EPB41L2: variants seen among roughly 807,000 people sequenced by gnomAD.
The protein encoded by EPB41L2 is band 4.1-like protein 2.
EPB41L2 carries 43 observed loss-of-function variants against 113.0 expected under a neutral mutation model. That is an observed-to-expected ratio of 0.38 (90% CI 0.30 to 0.49). The LOEUF (loss-of-function observed/expected upper bound fraction) is 0.49. Among genes scored for constraint, EPB41L2 ranks in the 20% least tolerant of loss-of-function variants. The pLI is 0.95. For missense variants in EPB41L2, 1,147 were observed against 1,223.4 expected (o/e 0.94, Z 0.93); for synonymous variants, 442 against 436.7 (o/e 1.01, Z -0.15).
chr6:130,904,890 T>G (rs1797267704), intron 5 of EPB41L2, among the ~76,000 whole-genome samples: 1 of 150,298 alleles, frequency 6.7e-6, no homozygotes, highest in Non-Finnish European at 1.5e-5. Flanking sequence ...AACCACAGGA[T>G]CTCCTGTTGC....
At chr6:131,034,059 A>C (rs527633504) in intron 1 of EPB41L2, among the ~76,000 whole-genome samples, 1 of 152,360 alleles carries the variant, frequency 6.6e-6, no homozygotes, top group South Asian at 2.1e-4. Flanking sequence ...AAGCATAGAA[A>C]GAGCTTATGA....
At chr6:130,876,021 T>C (rs1170748408) in intron 14 of EPB41L2, among the ~76,000 whole-genome samples, 1 of 151,654 alleles carries the variant, frequency 6.6e-6, no homozygotes, top group East Asian at 1.9e-4. Context: ...AAAAGAAACT[T>C]TTCTAATTAA....
chr6:130,853,051 C>T (rs1220616000), intron 19 of EPB41L2, among the ~76,000 whole-genome samples: 2 of 152,212 alleles, frequency 1.3e-5, no homozygotes, highest in Non-Finnish European at 2.9e-5. Context: ...TCTGCTACCA[C>T]TGATTTATTG....
At chr6:130,926,562 C>A in intron 4 of EPB41L2, 43 bp downstream of exon 4, 1 of 1,379,872 alleles carries the variant, frequency 7.2e-7, no homozygotes, top group Non-Finnish European at 1.0e-6. Flanking sequence ...TAAAAAAATA[C>A]AATATGTTCT....
At chr6:130,893,385 G>GGAA (rs1793587810) in intron 10 of EPB41L2, among the ~76,000 whole-genome samples, 1 of 152,130 alleles carries the variant, frequency 6.6e-6, no homozygotes, top group Non-Finnish European at 1.5e-5. Context: ...AAGGCAAAAG[G>GGAA]GAAGAAGGGA....
In EPB41L2 at chr6:130,865,587, T is replaced by A. The variant is rs990214106; in HGVS notation, c.2778A>T (p.Gln926His). 9 of 1,614,196 alleles carry A rather than the reference T, an allele frequency of 5.6e-6. No individual in the cohort carries two copies. Among genetic ancestry groups the A allele is most frequent in the Non-Finnish European group, 7.6e-6 (9 of 1,180,020 alleles). Residue 926 changes from glutamine to histidine, a missense_variant, in exon 17 of 20, where the codon CAA becomes CAT. Coordinates refer to ENST00000337057, the MANE Select transcript of EPB41L2 (RefSeq NM_001431.4). ...TTGACACGGACTCAGATGTGATGGTTTGTGCGGTCAGTAACGTGCCCGAAT... is the reference window on the plus strand; with the variant it reads ...TTGACACGGACTCAGATGTGATGGTATGTGCGGTCAGTAACGTGCCCGAAT... ...GGDSGTLLTA[Q>H]TITSESVSTT...
At chr6:130,872,329 A>G in intron 14 of EPB41L2, 1 of 1,259,172 alleles carries the variant, frequency 7.9e-7, no homozygotes, top group Non-Finnish European at 1.0e-6. Context: ...AATCTCTCTC[A>G]TATGTGGCTT....
intron 4 of EPB41L2, among the ~76,000 whole-genome samples, chr6:130,917,734 G>C (rs1414649347): frequency 6.6e-6 from 1 of 152,140 alleles, no homozygotes; most frequent in African/African-American, 2.4e-5. Flanking sequence ...ATTTTAACAA[G>C]TGTTAGAATA....
intron 3 of EPB41L2, among the ~76,000 whole-genome samples, chr6:130,943,330 T>C (rs1401741435): frequency 6.6e-6 from 1 of 152,228 alleles, no homozygotes; most frequent in Non-Finnish European, 1.5e-5. Context: ...CAAAAATGTG[T>C]CCAAACTGAT....
intron 1 of EPB41L2, among the ~76,000 whole-genome samples, chr6:131,057,059 G>T (rs1050597939): frequency 6.6e-6 from 1 of 151,432 alleles, no homozygotes; most frequent in African/African-American, 2.4e-5. Context: ...GCAATAGGGT[G>T]AAAAAATTAA....
In EPB41L2 at chr6:130,991,843, A is replaced by G. The variant is rs866489641; in HGVS notation, c.-14-35344T>C. Among the ~76,000 whole-genome samples the G allele has an allele frequency of 3.9e-5, 6 of 152,290 alleles. 1 individual carries two copies. In the South Asian group the frequency reaches 1.2e-3, roughly 32 times the overall value. Reference sequence around the variant, plus strand: ...TCTTTGTAGAAGAAAAATATAAAAAAATATTTTTTCAAGCTTTTATTTTGA... The same window carrying G: ...TCTTTGTAGAAGAAAAATATAAAAAGATATTTTTTCAAGCTTTTATTTTGA... On this transcript the variant is annotated intron_variant, in intron 1 of 19. Coordinates refer to ENST00000337057, the MANE Select transcript of EPB41L2 (RefSeq NM_001431.4).
At chr6:130,979,364 AC>A (rs143754853) in intron 1 of EPB41L2, among the ~76,000 whole-genome samples, 6,952 of 151,912 alleles carry the variant, frequency 0.046, 241 homozygotes, top group East Asian at 0.12. Flanking sequence ...AAAAAGTGGC[AC>A]ACGCCTGTAA....
At chr6:131,007,133 C>A (rs1401985773) in intron 1 of EPB41L2, among the ~76,000 whole-genome samples, 16 of 152,178 alleles carry the variant, frequency 1.1e-4, no homozygotes, top group Admixed American at 9.8e-4. Context: ...TATGGTTTGG[C>A]TCTGTGTCCC....
chr6:130,894,539 ATTCTTCTC>A, intron 9 of EPB41L2, 98 bp from the exon 10 acceptor site: 1 of 1,069,360 alleles, frequency 9.4e-7, no homozygotes, highest in Admixed American at 1.9e-5. Context: ...AGAAGCAATT[ATTCTTCTC>A]AAAAAAGGTA....
chr6:131,005,200 CA>C (rs1785218180), intron 1 of EPB41L2, among the ~76,000 whole-genome samples: 1 of 149,522 alleles, frequency 6.7e-6, no homozygotes, highest in Admixed American at 6.6e-5. Flanking sequence ...TTTTAACCTT[CA>C]AAAACCTCTA....
intron 1 of EPB41L2, among the ~76,000 whole-genome samples, chr6:131,060,140 C>T (rs1006553748): frequency 6.6e-5 from 10 of 152,204 alleles, no homozygotes; most frequent in African/African-American, 2.2e-4. Flanking sequence ...GGATTACAGG[C>T]GTGCGCCACC....
At chr6:130,870,662 T>C (rs954297578) in intron 14 of EPB41L2, among the ~76,000 whole-genome samples, 1 of 152,204 alleles carries the variant, frequency 6.6e-6, no homozygotes, top group African/African-American at 2.4e-5. Context: ...AATTGAATTA[T>C]ACCAAAGCTG....
intron 1 of EPB41L2, among the ~76,000 whole-genome samples, chr6:130,996,166 G>C (rs940418271): frequency 2.6e-5 from 4 of 152,148 alleles, no homozygotes; most frequent in African/African-American, 9.7e-5. Context: ...GTTGGTTTCT[G>C]CCATAAAGTT....
chr6:130,923,441 G>C (rs1330642845), intron 4 of EPB41L2, among the ~76,000 whole-genome samples: 1 of 152,184 alleles, frequency 6.6e-6, no homozygotes, highest in Non-Finnish European at 1.5e-5. Flanking sequence ...TTAACACCCA[G>C]TCTTTCCCCT....
Sources: allele counts gnomAD v4.1 joint callset (sites outside exome capture counted in the v4.1 genomes callset), GRCh38; gene constraint gnomAD v4.1.1; transcripts MANE v1.5; gene names NCBI Gene and HGNC (gene_info 2026-07-23, HGNC 2026-07-21).